The following LUZP2 variants were observed in gnomAD, a reference collection of about 807,000 sequenced individuals.
LUZP2 encodes leucine zipper protein 2.
Under a neutral mutation model 51.6 loss-of-function variants are expected in LUZP2, and 52 were observed. The observed-to-expected ratio is 1.01, with a 90% CI of 0.81 to 1.27. The LOEUF (loss-of-function observed/expected upper bound fraction) is 1.27. Ranked by LOEUF, LUZP2 falls within the 50% of genes most tolerant of loss-of-function variation. The probability of loss-of-function intolerance (pLI) is 0.00; values close to 1 mark genes in which losing one functional copy is unlikely to be tolerated. For missense variants in LUZP2, 436 were observed against 395.4 expected, an observed-to-expected ratio of 1.10 and a Z score of -0.87; for synonymous variants, 154 against 137.3, an observed-to-expected ratio of 1.12 and a Z score of -0.85.
At chr11:24,543,060 T>A (rs1342365202) in intron 1 of LUZP2, among the ~76,000 whole-genome samples, 3 of 151,996 alleles carry the variant, frequency 2.0e-5, no homozygotes, top group Non-Finnish European at 4.4e-5. Flanking sequence ...CATAACACTT[T>A]GGGGAAAATA....
At chr11:24,798,348 C>T (rs1013263501) in intron 5 of LUZP2, among the ~76,000 whole-genome samples, 8 of 152,018 alleles carry the variant, frequency 5.3e-5, no homozygotes, top group Non-Finnish European at 1.0e-4. Context: ...AAAGCACACA[C>T]CACCATGCCA....
chr11:24,547,203 GA>G (rs3077914), intron 1 of LUZP2, among the ~76,000 whole-genome samples: 48 of 100,188 alleles, frequency 4.8e-4, no homozygotes, highest in African/African-American at 1.4e-3. Flanking sequence ...TACAGAATTA[GA>G]AAAAAAAAAA....
intron 1 of LUZP2, among the ~76,000 whole-genome samples, chr11:24,595,525 A>G (rs1408948458): frequency 6.6e-6 from 1 of 152,224 alleles, no homozygotes; most frequent in Non-Finnish European, 1.5e-5. Flanking sequence ...GTATGTGAAC[A>G]TCAAAACCAA....
intron 1 of LUZP2, among the ~76,000 whole-genome samples, chr11:24,708,878 A>G (rs1175313504): frequency 6.6e-6 from 1 of 152,214 alleles, no homozygotes; most frequent in Non-Finnish European, 1.5e-5. Flanking sequence ...ATAAGATCAC[A>G]TAACAAAAAG....
intron 1 of LUZP2, chr11:24,646,565 G>C (rs1281356722): frequency 2.0e-6 from 2 of 984,226 alleles, no homozygotes; most frequent in Admixed American, 6.2e-5. Flanking sequence ...GCTTCTGCTG[G>C]AACCTCCATA....
At chr11:24,913,515 T>C (rs1392209308) in intron 6 of LUZP2, among the ~76,000 whole-genome samples, 1 of 152,180 alleles carries the variant, frequency 6.6e-6, no homozygotes, top group Non-Finnish European at 1.5e-5. Flanking sequence ...CTTGGGTAAT[T>C]ACCTAGGACA....
In LUZP2 at chr11:24,498,442, C is replaced by T. The variant is rs137985459; in HGVS notation, c.62+1137C>T. On this transcript the variant is annotated intron_variant, in intron 1 of 11. Transcript: ENST00000336930. ...CACACCTTCTTTCAGGCCTGTGTAA[C>T]CAAACTTTCCTTTTAGTGTAGAGAC... Among the ~76,000 whole-genome samples, 1,463 of 152,250 alleles carry T rather than the reference C, an allele frequency of 9.6e-3. 26 individuals carry two copies. Among genetic ancestry groups the T allele is most frequent in the African/African-American group, 0.034 (1,392 of 41,538 alleles).
intron 9 of LUZP2, among the ~76,000 whole-genome samples, chr11:25,033,197 A>G (rs1356400200): frequency 6.6e-6 from 1 of 152,170 alleles, no homozygotes; most frequent in Non-Finnish European, 1.5e-5. Context: ...ACATATAAGA[A>G]GAACTTTAGC....
intron 1 of LUZP2, among the ~76,000 whole-genome samples, chr11:24,636,670 C>A (rs537740575): frequency 6.6e-6 from 1 of 152,266 alleles, no homozygotes; most frequent in South Asian, 2.1e-4. Context: ...TAACATGAAT[C>A]CAGCCCACAA....
At chr11:24,602,082 GTGTA>G in intron 1 of LUZP2, among the ~76,000 whole-genome samples, 1 of 122,406 alleles carries the variant, frequency 8.2e-6, no homozygotes, top group Non-Finnish European at 1.6e-5. Flanking sequence ...GCGTATATAT[GTGTA>G]TATATGTATA....
chr11:24,575,055 A>G (rs1446942876), intron 1 of LUZP2, among the ~76,000 whole-genome samples: 1 of 152,068 alleles, frequency 6.6e-6, no homozygotes. Context: ...CATTTCTGTC[A>G]TTTCCTCATA....
intron 5 of LUZP2, among the ~76,000 whole-genome samples, chr11:24,897,930 T>G (rs1237018856): frequency 6.6e-6 from 1 of 152,170 alleles, no homozygotes; most frequent in South Asian, 2.1e-4. Context: ...TGGAAGAGAA[T>G]AACATAGTGA....
chr11:24,518,155 A>C (rs12277391), intron 1 of LUZP2, among the ~76,000 whole-genome samples: 38,574 of 152,014 alleles, frequency 0.25, 6,892 homozygotes, highest in African/African-American at 0.51. Context: ...TTAGTTCTTA[A>C]GTGTTAGGTA....
At chr11:24,653,587 T>G (rs1427116363) in intron 1 of LUZP2, among the ~76,000 whole-genome samples, 1 of 152,164 alleles carries the variant, frequency 6.6e-6, no homozygotes, top group Non-Finnish European at 1.5e-5. Flanking sequence ...TTATAGCCCA[T>G]GAGATTAGTT....
chr11:24,824,366 CAAAAA>C (rs3078050), intron 5 of LUZP2, among the ~76,000 whole-genome samples: 9 of 27,578 alleles, frequency 3.3e-4, no homozygotes, highest in Admixed American at 2.9e-3. Flanking sequence ...AACCCCATCT[CAAAAA>C]AAAAAAAAAA....
chr11:24,531,000 C>T (rs1202095364), intron 1 of LUZP2, among the ~76,000 whole-genome samples: 2 of 145,866 alleles, frequency 1.4e-5, no homozygotes, highest in Admixed American at 7.0e-5. Flanking sequence ...TTACCTGAAC[C>T]TTTCCCTTAG....
intron 1 of LUZP2, among the ~76,000 whole-genome samples, chr11:24,522,673 A>G (rs747784232): frequency 9.2e-5 from 14 of 152,070 alleles, no homozygotes; most frequent in Non-Finnish European, 1.9e-4. Flanking sequence ...AGCACTCTAT[A>G]TTGGCTTTTA....
At chr11:24,590,084 G>A (rs1026120979) in intron 1 of LUZP2, among the ~76,000 whole-genome samples, 1 of 152,088 alleles carries the variant, frequency 6.6e-6, no homozygotes, top group Admixed American at 6.6e-5. Flanking sequence ...CTTCTGGTAT[G>A]TGTACTTGGT....
chr11:24,802,113 T>G (rs1849715325), intron 5 of LUZP2, among the ~76,000 whole-genome samples: 1 of 152,076 alleles, frequency 6.6e-6, no homozygotes, highest in Admixed American at 6.6e-5. Context: ...TATCTTTACT[T>G]CTAACAGAAT....
Sources: gnomAD v4.1 joint callset for allele counts (sites outside exome capture counted in the v4.1 genomes callset) on GRCh38, gnomAD v4.1.1 for gene constraint, MANE v1.5 for transcripts, NCBI Gene and HGNC (gene_info 2026-07-23, HGNC 2026-07-21) for gene names.